The following PDE4D variants were observed in gnomAD, a reference collection of about 807,000 sequenced individuals.
PDE4D encodes the protein phosphodiesterase 4D.
Under a neutral mutation model 87.4 loss-of-function variants are expected in PDE4D, and 24 were observed. The observed-to-expected ratio is 0.27, with a 90% CI of 0.20 to 0.39. The LOEUF (loss-of-function observed/expected upper bound fraction) is 0.39. Ranked by LOEUF, PDE4D falls within the 10% of genes least tolerant of loss-of-function variation. PDE4D has a pLI of 1.00. For synonymous variants in PDE4D, 384 were observed against 383.2 expected (o/e 1.00, Z -0.02); for missense variants, 714 against 1,041.0 (o/e 0.69, Z 4.32).
intron 9 of PDE4D, among the ~76,000 whole-genome samples, 183 bp downstream of exon 9, chr5:58,990,621 G>A (rs1372975329): frequency 6.6e-6 from 1 of 152,054 alleles, no homozygotes; most frequent in Non-Finnish European, 1.5e-5. Flanking sequence ...GTTATTTGTG[G>A]TTTATCCACA....
chr5:59,238,030 C>A (rs1192198795), intron 1 of PDE4D, among the ~76,000 whole-genome samples: 1 of 152,074 alleles, frequency 6.6e-6, no homozygotes, highest in African/African-American at 2.4e-5. Flanking sequence ...GTAAGAGAGA[C>A]ACTATATGAT....
chr5:60,131,464 T>C (rs762814787), intron 2 of PDE4D, among the ~76,000 whole-genome samples: 16 of 152,258 alleles, frequency 1.1e-4, no homozygotes, highest in Non-Finnish European at 1.9e-4. Context: ...AGTCAAGCAA[T>C]GCAAGAATGA....
At chr5:60,251,712 T>A (rs866215302) in intron 1 of PDE4D, among the ~76,000 whole-genome samples, 9 of 152,110 alleles carry the variant, frequency 5.9e-5, no homozygotes, top group Middle Eastern at 3.4e-3. Flanking sequence ...GAATGATTTA[T>A]ATTCCTTTGG....
chr5:59,049,862 C>G (rs1486431122), intron 5 of PDE4D, among the ~76,000 whole-genome samples: 1 of 152,074 alleles, frequency 6.6e-6, no homozygotes, highest in Non-Finnish European at 1.5e-5. Context: ...TTTTTTTTAA[C>G]TTTCTCATAA....
intron 1 of PDE4D, among the ~76,000 whole-genome samples, chr5:60,300,970 C>T (rs1278199933): frequency 6.6e-6 from 1 of 152,122 alleles, no homozygotes; most frequent in Admixed American, 6.5e-5. Flanking sequence ...GGGGTTTCTC[C>T]ATGTTGGTCA....
At chr5:60,329,131 T>C (rs1356907079) in intron 1 of PDE4D, among the ~76,000 whole-genome samples, 1 of 152,200 alleles carries the variant, frequency 6.6e-6, no homozygotes, top group East Asian at 1.9e-4. Context: ...ACTTACATGC[T>C]TTTATCCTAT....
chr5:60,240,789 T>C (rs1747023705), intron 1 of PDE4D, among the ~76,000 whole-genome samples: 3 of 152,134 alleles, frequency 2.0e-5, no homozygotes, highest in African/African-American at 7.2e-5. Context: ...AGGCAGTACC[T>C]CTATGATTCT....
At chr5:60,147,736 C>A in intron 2 of PDE4D, 2 of 454,622 alleles carry the variant, frequency 4.4e-6, no homozygotes, top group South Asian at 3.1e-5. Flanking sequence ...AAGCACTTCT[C>A]GAGTCACTCA....
At chr5:59,021,507 T>C (rs1316262449) in intron 6 of PDE4D, among the ~76,000 whole-genome samples, 2 of 152,180 alleles carry the variant, frequency 1.3e-5, no homozygotes, top group East Asian at 3.9e-4. Context: ...TTAAAAATAG[T>C]TCCATTCCTC....
chr5:59,038,564 T>C (rs532170937), intron 6 of PDE4D, among the ~76,000 whole-genome samples: 1 of 152,294 alleles, frequency 6.6e-6, no homozygotes, highest in African/African-American at 2.4e-5. Context: ...AAACATGCAA[T>C]GCCCATGGAC....
chr5:59,090,409 G>A (rs1240423559), intron 5 of PDE4D, among the ~76,000 whole-genome samples: 1 of 152,070 alleles, frequency 6.6e-6, no homozygotes, highest in Non-Finnish European at 1.5e-5. Flanking sequence ...CTCTCCACAG[G>A]GAGATATGTT....
At chr5:59,496,788 C>T (rs1446280568) in intron 1 of PDE4D, among the ~76,000 whole-genome samples, 1 of 152,112 alleles carries the variant, frequency 6.6e-6, no homozygotes, top group Non-Finnish European at 1.5e-5. Flanking sequence ...TGTACTGTTG[C>T]GGACTCGAAG....
intron 2 of PDE4D, among the ~76,000 whole-genome samples, chr5:60,005,251 G>A (rs1262502285): frequency 6.6e-6 from 1 of 152,100 alleles, no homozygotes; most frequent in African/African-American, 2.4e-5. Context: ...ATCTAACATA[G>A]TTGAACTCAT....
chr5:60,377,668 A>AACTG (rs912827497), intron 1 of PDE4D, among the ~76,000 whole-genome samples: 1 of 152,192 alleles, frequency 6.6e-6, no homozygotes, highest in African/African-American at 2.4e-5. Context: ...TCCCAGAGGT[A>AACTG]ACTGACTGAC....
rs974242082 is a variant in PDE4D, at chr5:59,147,062, C to G, written c.808+33533G>C. On this transcript the variant is annotated intron_variant, in intron 5 of 14. Transcript: ENST00000340635. Reference sequence around the variant, plus strand: ...ATGCGAGGCATCTAGGTTGTGCACTCCTTATGAGAATCTAATGCCTGATGA... The same window carrying G: ...ATGCGAGGCATCTAGGTTGTGCACTGCTTATGAGAATCTAATGCCTGATGA... 2.6e-5 allele frequency among the ~76,000 whole-genome samples: 4 copies of G among 152,240 alleles called. No homozygotes were observed. The South Asian group carries it at 8.3e-4, about 32-fold the overall frequency.
chr5:59,004,612 G>C (rs1257515698), intron 6 of PDE4D, among the ~76,000 whole-genome samples: 1 of 152,220 alleles, frequency 6.6e-6, no homozygotes, highest in African/African-American at 2.4e-5. Flanking sequence ...TAGAAAATTT[G>C]GTGTGGATTA....
At chr5:59,930,163 CAAAAAA>C (rs35465849) in intron 3 of PDE4D, among the ~76,000 whole-genome samples, 2 of 82,956 alleles carry the variant, frequency 2.4e-5, no homozygotes, top group Non-Finnish European at 4.4e-5. Flanking sequence ...ACTCCGTCTC[CAAAAAA>C]AAAAAAAAAA....
Position 59,409,550 on chromosome 5 carries a change from T to C in PDE4D, c.456-193582A>G, listed in dbSNP as rs111674872. On this transcript the variant is annotated intron_variant, in intron 1 of 14. Coordinates refer to ENST00000340635, the MANE Select transcript of PDE4D (RefSeq NM_001104631.2). ...AGTGAATGAGCTCTCTGAGATCTAGTTGTTTAAAAGTGTGTGCTAACTCCC... is the reference window on the plus strand; with the variant it reads ...AGTGAATGAGCTCTCTGAGATCTAGCTGTTTAAAAGTGTGTGCTAACTCCC... 3.3e-3 allele frequency among the ~76,000 whole-genome samples: 504 copies of C among 152,190 alleles called. 2 individuals carry two copies. The highest frequency in any genetic ancestry group is 0.012 in the African/African-American group (481 of 41,522).
intron 1 of PDE4D, among the ~76,000 whole-genome samples, chr5:59,412,227 A>G (rs1792812929): frequency 6.6e-6 from 1 of 152,174 alleles, no homozygotes; most frequent in African/African-American, 2.4e-5. Flanking sequence ...ATTAAATGCA[A>G]CGTTTTGTAC....
Sources: allele counts gnomAD v4.1 joint callset (sites outside exome capture counted in the v4.1 genomes callset), GRCh38; gene constraint gnomAD v4.1.1; transcripts MANE v1.5; gene names NCBI Gene and HGNC (gene_info 2026-07-23, HGNC 2026-07-21).